The following CHRM3 variants were observed in gnomAD, a reference collection of about 807,000 sequenced individuals.
CHRM3 encodes the protein muscarinic acetylcholine receptor M3.
In CHRM3, 11 loss-of-function variants were observed where a neutral mutation model predicts 41.8. The ratio of observed to expected loss-of-function variants is 0.26; its 90% CI spans 0.17 to 0.44. CHRM3 has a LOEUF of 0.44. Among genes scored for constraint, CHRM3 ranks in the 20% least tolerant of loss-of-function variants. The pLI is 1.00. For missense variants in CHRM3, 571 were observed against 745.4 expected (o/e 0.77, Z 2.72); for synonymous variants, 297 against 301.4 (o/e 0.99, Z 0.15).
intron 5 of CHRM3, chr1:239,703,802 T>C (rs1660898531): frequency 6.6e-6 from 1 of 152,136 alleles, no homozygotes; most frequent in Non-Finnish European, 1.5e-5. Flanking sequence ...AGAATGTAGA[T>C]TCTATTCCTG....
intron 4 of CHRM3, among the ~76,000 whole-genome samples, chr1:239,669,675 A>T (rs1674168098): frequency 6.6e-6 from 1 of 152,216 alleles, no homozygotes; most frequent in East Asian, 1.9e-4. Context: ...GACTTTATAC[A>T]TGACCAGGGG....
chr1:239,861,427 T>C (rs899624757), intron 6 of CHRM3, among the ~76,000 whole-genome samples: 10 of 151,732 alleles, frequency 6.6e-5, no homozygotes, highest in African/African-American at 2.4e-4. Context: ...GGAGAGGAAA[T>C]AGTACAAGCA....
At chr1:239,831,115 G>T (rs1672862481) in intron 6 of CHRM3, among the ~76,000 whole-genome samples, 2 of 152,100 alleles carry the variant, frequency 1.3e-5, no homozygotes, top group South Asian at 4.1e-4. Flanking sequence ...AAGCAGCATT[G>T]CTTAGAAGAA....
chr1:239,761,492 C>T (rs1666768662), intron 5 of CHRM3, among the ~76,000 whole-genome samples: 1 of 152,168 alleles, frequency 6.6e-6, no homozygotes, highest in South Asian at 2.1e-4. Flanking sequence ...GGGTCGTAGA[C>T]TTTCTGTATT....
rs1664215131 is a variant in CHRM3 at position 239,734,260 on chromosome 1, A to T, written c.-147+55972A>T. 2.6e-5 allele frequency among the ~76,000 whole-genome samples: 4 copies of T among 152,088 alleles called. No individual in the cohort carries two copies. The South Asian group carries it at 8.3e-4, about 31-fold the overall frequency. ...CAGGAAATGTTCAGGATGAGTGTAG[A>T]GTATCTTGTTGCACCAGATACTTAA... On this transcript the variant is annotated intron_variant, in intron 5 of 6. Transcript: ENST00000676153.
At chr1:239,554,652 A>G (rs1660184153) in intron 3 of CHRM3, among the ~76,000 whole-genome samples, 1 of 152,038 alleles carries the variant, frequency 6.6e-6, no homozygotes, top group African/African-American at 2.4e-5. Flanking sequence ...CTAAAACATC[A>G]TATTTTGATC....
At chr1:239,663,490 G>GA (rs1474849693) in intron 4 of CHRM3, among the ~76,000 whole-genome samples, 1 of 152,160 alleles carries the variant, frequency 6.6e-6, no homozygotes, top group Non-Finnish European at 1.5e-5. Context: ...GAGTCGATGG[G>GA]ATGGAGTCCT....
chr1:239,444,156 G>A (rs886581906), intron 1 of CHRM3, among the ~76,000 whole-genome samples: 6 of 152,106 alleles, frequency 3.9e-5, no homozygotes, highest in Admixed American at 3.9e-4. Context: ...TGAGGAAAAC[G>A]CCCGAGGCTG....
chr1:239,468,496 G>C (rs898367378), intron 1 of CHRM3, among the ~76,000 whole-genome samples: 1 of 152,162 alleles, frequency 6.6e-6, no homozygotes, highest in African/African-American at 2.4e-5. Context: ...AAATGAAGGT[G>C]ATGGTTGCCA....
At chr1:239,389,504 G>A (rs1416441468) in intron 1 of CHRM3, among the ~76,000 whole-genome samples, 1 of 152,124 alleles carries the variant, frequency 6.6e-6, no homozygotes, top group Non-Finnish European at 1.5e-5. Flanking sequence ...AAGAAAATTT[G>A]TTATAAATTA....
chr1:239,841,459 AGG>A lies in CHRM3; in HGVS notation c.-20+14082_-20+14083del, dbSNP rs1340299571. On this transcript the variant is annotated intron_variant, in intron 6 of 6. Transcript: ENST00000676153. ...GATTCGCAACTTTCAGCTGTCTCTA[AGG>A]AGGAAAAATAGAGAGTAAAACTCTA... Among the ~76,000 whole-genome samples, 50 of 152,312 alleles carry A rather than the reference AGG, an allele frequency of 3.3e-4. No individual in the cohort carries two copies. The South Asian group carries it at 0.01, about 32-fold the overall frequency.
chr1:239,457,280 A>G (rs1228252291), intron 1 of CHRM3, among the ~76,000 whole-genome samples: 2 of 152,214 alleles, frequency 1.3e-5, no homozygotes, highest in Admixed American at 1.3e-4. Context: ...ATGAAAGAAC[A>G]CATATAAACC....
intron 5 of CHRM3, among the ~76,000 whole-genome samples, chr1:239,766,672 T>TATAG (rs1367483454): frequency 5.2e-4 from 76 of 145,630 alleles, no homozygotes; most frequent in African/African-American, 1.8e-3. Flanking sequence ...TGGATATAGA[T>TATAG]ATATAGATAT....
At chr1:239,846,633 C>T (rs997823609) in intron 6 of CHRM3, among the ~76,000 whole-genome samples, 3 of 151,990 alleles carry the variant, frequency 2.0e-5, no homozygotes, top group African/African-American at 4.8e-5. Flanking sequence ...CAGCGTTTCC[C>T]GAAGTGAATT....
At chr1:239,699,913 C>G (rs1660530991) in intron 5 of CHRM3, among the ~76,000 whole-genome samples, 2 of 152,114 alleles carry the variant, frequency 1.3e-5, no homozygotes, top group Non-Finnish European at 2.9e-5. Flanking sequence ...TGATAACACC[C>G]TTAAGAAAAT....
chr1:239,434,961 T>C (rs1031314122), intron 1 of CHRM3, among the ~76,000 whole-genome samples: 4 of 152,206 alleles, frequency 2.6e-5, no homozygotes, highest in African/African-American at 7.2e-5. Context: ...TTTGTATTCC[T>C]TGTCATGCTG....
intron 3 of CHRM3, among the ~76,000 whole-genome samples, chr1:239,614,354 C>A (rs116576584): frequency 1.6e-3 from 243 of 152,188 alleles, no homozygotes; most frequent in Non-Finnish European, 3.1e-3. Context: ...CTGAAAAATA[C>A]AGAAGGTAGG....
intron 2 of CHRM3, among the ~76,000 whole-genome samples, chr1:239,503,913 A>G (rs1020899636): frequency 1.1e-4 from 17 of 152,124 alleles, no homozygotes; most frequent in African/African-American, 3.1e-4. Flanking sequence ...TAAAAAATCA[A>G]CTCAAAATGG....
At chr1:239,589,623 C>CAT (rs968443846) in intron 3 of CHRM3, among the ~76,000 whole-genome samples, 5 of 112,948 alleles carry the variant, frequency 4.4e-5, no homozygotes, top group Non-Finnish European at 7.0e-5. Flanking sequence ...AATTTCCATG[C>CAT]ATATATATAA....
Sources: gnomAD v4.1 joint callset for allele counts (sites outside exome capture counted in the v4.1 genomes callset) on GRCh38, gnomAD v4.1.1 for gene constraint, MANE v1.5 for transcripts, NCBI Gene and HGNC (gene_info 2026-07-23, HGNC 2026-07-21) for gene names.